Variants in DYM observed in about 807,000 individuals in gnomAD.
The protein encoded by DYM is dymeclin.
DYM carries 78 observed loss-of-function variants against 93.1 expected under a neutral mutation model. The observed-to-expected ratio is 0.84, with a 90% CI of 0.70 to 1.01. The LOEUF is 1.01. Ranked by LOEUF, DYM falls within the 50% of genes least tolerant of loss-of-function variation. DYM has a pLI of 0.00. For missense variants in DYM, 789 were observed against 845.0 expected, an observed-to-expected ratio of 0.93 and a Z score of 0.82; for synonymous variants, 321 against 319.7, an observed-to-expected ratio of 1.00 and a Z score of -0.04.
In DYM at chr18:49,391,656, A is replaced by G. The variant is rs1369796550; in HGVS notation, c.141-11T>C. 6.2e-7 allele frequency: 1 copy of G among 1,609,770 alleles called. No individual in the cohort carries two copies. Among genetic ancestry groups the G allele is most frequent in the African/African-American group, 1.3e-5 (1 of 74,944 alleles). ...AGTTTCAACTCACTACTGGAGAGAC[A>G]GAAGAATAAAGGTAATTAATGACTA... On this transcript the variant is annotated splice_polypyrimidine_tract_variant and intron_variant, in intron 2 of 17. Transcript: ENST00000675505.
chr18:49,292,592 G>A (rs2060213788), intron 8 of DYM, among the ~76,000 whole-genome samples: 3 of 78,790 alleles, frequency 3.8e-5, no homozygotes, highest in African/African-American at 4.2e-5. Context: ...TTTCCTGTTG[G>A]AAAAAAAAAA....
chr18:49,274,695 C>T (rs965061187), intron 10 of DYM, among the ~76,000 whole-genome samples: 17 of 152,098 alleles, frequency 1.1e-4, no homozygotes, highest in African/African-American at 3.1e-4. Flanking sequence ...AGTGGTATTT[C>T]GCTGTGATTT....
intron 5 of DYM, among the ~76,000 whole-genome samples, chr18:49,363,550 T>C (rs2066243878): frequency 6.6e-6 from 1 of 152,230 alleles, no homozygotes; most frequent in Admixed American, 6.5e-5. Context: ...AAATCTTACA[T>C]TAAAGCCAAA....
intron 13 of DYM, among the ~76,000 whole-genome samples, chr18:49,238,378 A>C (rs1030395337): frequency 6.6e-6 from 1 of 152,068 alleles, no homozygotes; most frequent in Non-Finnish European, 1.5e-5. Flanking sequence ...CTGCCTCCAT[A>C]GTGTCTACAT....
chr18:49,328,958 A>G (rs904105054), intron 8 of DYM, among the ~76,000 whole-genome samples: 1 of 152,214 alleles, frequency 6.6e-6, no homozygotes, highest in Non-Finnish European at 1.5e-5. Context: ...ATTATAAATC[A>G]TGCTACTATA....
At chr18:49,155,245 T>C (rs2086265338) in intron 15 of DYM, among the ~76,000 whole-genome samples, 1 of 152,232 alleles carries the variant, frequency 6.6e-6, no homozygotes, top group African/African-American at 2.4e-5. Flanking sequence ...TATTTCAAAG[T>C]ACAAGATTTA....
chr18:49,197,561 CT>C (rs200515494), intron 14 of DYM, among the ~76,000 whole-genome samples: 2,975 of 152,040 alleles, frequency 0.02, 89 homozygotes, highest in Admixed American at 0.064. Context: ...CAGAAACATA[CT>C]AAGTTAGAAG....
At chr18:49,277,893 T>C (rs1343385400) in intron 10 of DYM, among the ~76,000 whole-genome samples, 1 of 152,228 alleles carries the variant, frequency 6.6e-6, no homozygotes, top group Non-Finnish European at 1.5e-5. Flanking sequence ...AATAAAGAGA[T>C]GAACAGTGTC....
chr18:49,148,956 T>C (rs996824432), intron 15 of DYM, among the ~76,000 whole-genome samples: 1 of 152,178 alleles, frequency 6.6e-6, no homozygotes, highest in African/African-American at 2.4e-5. Flanking sequence ...ATTATTACAT[T>C]GTAATATTTA....
chr18:49,103,574 T>G (rs999076507), intron 16 of DYM, among the ~76,000 whole-genome samples: 9 of 152,332 alleles, frequency 5.9e-5, no homozygotes, highest in Admixed American at 2.6e-4. Flanking sequence ...TAATCCATCT[T>G]GAATTAATTT....
chr18:49,407,771 A>C (rs2071679437), intron 2 of DYM, among the ~76,000 whole-genome samples: 1 of 152,172 alleles, frequency 6.6e-6, no homozygotes, highest in Admixed American at 6.5e-5. Flanking sequence ...TGACAGCTGA[A>C]ATCTCAATAA....
chr18:49,226,141 A>G (rs998139624), intron 13 of DYM, among the ~76,000 whole-genome samples: 4 of 152,178 alleles, frequency 2.6e-5, no homozygotes, highest in African/African-American at 9.6e-5. Flanking sequence ...AATAGTTTTT[A>G]AAGGTTTTGT....
chr18:49,433,930 C>A (rs1432459638), intron 1 of DYM, among the ~76,000 whole-genome samples: 3 of 152,020 alleles, frequency 2.0e-5, no homozygotes, highest in Non-Finnish European at 2.9e-5. Context: ...TAAATGGTGG[C>A]CAGGCGCGGT....
chr18:49,046,518 G>A (rs1157234332), intron 17 of DYM, among the ~76,000 whole-genome samples: 3 of 146,808 alleles, frequency 2.0e-5, no homozygotes, highest in African/African-American at 7.6e-5. Flanking sequence ...TGCACATACA[G>A]ACACACACAC....
At chr18:49,212,051 A>G (rs188330542) in intron 13 of DYM, among the ~76,000 whole-genome samples, 2 of 152,332 alleles carry the variant, frequency 1.3e-5, no homozygotes, top group Admixed American at 1.3e-4. Context: ...TGATCACAGC[A>G]TAGCCAAAAT....
intron 17 of DYM, among the ~76,000 whole-genome samples, chr18:49,087,047 C>A (rs1157210115): frequency 1.3e-4 from 20 of 151,998 alleles, no homozygotes; most frequent in Non-Finnish European, 8.8e-5. Flanking sequence ...AGCTCCCTTA[C>A]CCCTTCTGCC....
chr18:49,458,825 C>T (rs192257573), intron 1 of DYM, among the ~76,000 whole-genome samples: 39 of 152,240 alleles, frequency 2.6e-4, no homozygotes, highest in Admixed American at 1.3e-3. Flanking sequence ...AATGACAGAG[C>T]GAGACTCTGC....
intron 14 of DYM, among the ~76,000 whole-genome samples, chr18:49,178,712 A>G (rs887359468): frequency 6.6e-6 from 1 of 152,160 alleles, no homozygotes; most frequent in African/African-American, 2.4e-5. Flanking sequence ...ATCCTCAGAA[A>G]TAACCATGGA....
chr18:49,088,761 G>C (rs2078786725), intron 17 of DYM, among the ~76,000 whole-genome samples: 1 of 152,088 alleles, frequency 6.6e-6, no homozygotes, highest in Non-Finnish European at 1.5e-5. Context: ...CAAAAATTTA[G>C]GATCTGAAAG....
Sources: allele counts gnomAD v4.1 joint callset (sites outside exome capture counted in the v4.1 genomes callset), GRCh38; gene constraint gnomAD v4.1.1; transcripts MANE v1.5; gene names NCBI Gene and HGNC (gene_info 2026-07-23, HGNC 2026-07-21).